The following ZC3H13 variants were observed in gnomAD, a reference collection of about 807,000 sequenced individuals.
ZC3H13 encodes the protein zinc finger CCCH-type containing 13.
Under a neutral mutation model 204.1 loss-of-function variants are expected in ZC3H13, and 64 were observed. That is an observed-to-expected ratio of 0.31 (90% CI 0.26 to 0.39). ZC3H13 has a LOEUF of 0.39. Among genes scored for constraint, ZC3H13 ranks in the 10% least tolerant of loss-of-function variants. ZC3H13 has a pLI of 1.00. For synonymous variants in ZC3H13, 667 were observed against 693.7 expected, an observed-to-expected ratio of 0.96 and a Z score of 0.60; for missense variants, 1,833 against 2,082.7, an observed-to-expected ratio of 0.88 and a Z score of 2.33.
chr13:46,008,602 A>C (rs1236365286), intron 7 of ZC3H13, among the ~76,000 whole-genome samples: 1 of 152,192 alleles, frequency 6.6e-6, no homozygotes, highest in African/African-American at 2.4e-5. Flanking sequence ...ACTTTCTATG[A>C]AAAGATTAAG....
At chr13:46,043,436 T>C (rs2043725411) in intron 3 of ZC3H13, among the ~76,000 whole-genome samples, 1 of 151,990 alleles carries the variant, frequency 6.6e-6, no homozygotes, top group Non-Finnish European at 1.5e-5. Context: ...TAAATTATAA[T>C]GATGTACATG....
chr13:46,044,849 T>C (rs1249895553), intron 3 of ZC3H13, 106 bp downstream of exon 3: 2 of 660,532 alleles, frequency 3.0e-6, no homozygotes, highest in Admixed American at 7.3e-5. Context: ...ACCACCAATA[T>C]AGAAAATCTG....
intron 17 of ZC3H13, 62 bp downstream of exon 17, chr13:45,963,780 C>G (rs941656346): frequency 6.2e-6 from 10 of 1,603,562 alleles, no homozygotes; most frequent in Admixed American, 1.7e-5. Flanking sequence ...GATCAGAATC[C>G]CCTTCAGATG....
In ZC3H13 at chr13:45,967,947, A is replaced by G. The variant is rs1218994238; in HGVS notation, c.3878T>C (p.Phe1293Ser). 6.2e-7 allele frequency: 1 copy of G among 1,613,816 alleles called. No homozygotes were observed. The highest frequency in any genetic ancestry group is 8.5e-7 in the Non-Finnish European group (1 of 1,179,900). Reference protein sequence around the residue: ...DRQVHSRSGSFDSRDRLQERD... With the variant: ...DRQVHSRSGSSDSRDRLQERD... ...TTCTTGAAGCCTGTCTCTGCTATCA[A>G]ATGACCCAGATCTTGAATGGACCTG... Residue 1293 changes from phenylalanine to serine, a missense_variant, in exon 15 of 19, where the codon TTT becomes TCT. Physicochemically the swap from Phe to Ser is radical, Grantham distance 155 (BLOSUM62 -2). Coordinates refer to ENST00000679008, the MANE Select transcript of ZC3H13 (RefSeq NM_001330564.2).
At chr13:46,045,622 C>A in intron 1 of ZC3H13, 106 bp from the exon 2 acceptor site, 10 of 740,224 alleles carry the variant, frequency 1.4e-5, no homozygotes, top group South Asian at 5.2e-5. Flanking sequence ...TGTAAAATTA[C>A]AGGAGATTTT....
chr13:45,977,868 A>C (rs1433680596), intron 11 of ZC3H13, among the ~76,000 whole-genome samples: 1 of 152,064 alleles, frequency 6.6e-6, no homozygotes, highest in Non-Finnish European at 1.5e-5. Context: ...ATTAAAATCA[A>C]ATTTTTTAGC....
At chr13:45,970,562 T>C (rs1952502471) in intron 12 of ZC3H13, 97 bp from the exon 13 acceptor site, 2 of 949,844 alleles carry the variant, frequency 2.1e-6, no homozygotes, top group Non-Finnish European at 3.2e-6. Flanking sequence ...AACTGGAACA[T>C]ATAATTGTAG....
At chr13:46,042,387 A>C in intron 3 of ZC3H13, 112 bp from the exon 4 acceptor site, 1 of 646,882 alleles carries the variant, frequency 1.5e-6, no homozygotes, top group Non-Finnish European at 2.4e-6. Context: ...AACCTCACAA[A>C]TCTCAATACA....
intron 14 of ZC3H13, 123 bp from the exon 15 acceptor site, chr13:45,968,151 G>T: frequency 1.1e-6 from 1 of 930,666 alleles, no homozygotes; most frequent in Non-Finnish European, 1.5e-6. Flanking sequence ...AACTTTCTAT[G>T]TTCCATATTG....
Position 45,988,993 on chromosome 13 carries a change from CGAG to C in ZC3H13, c.1046_1048del (p.Pro349del), listed in dbSNP as rs1566220011. Reference sequence around the variant, plus strand: ...AGATGGTGAAGGAGTTCTTTTTCGACGAGGAGAAGGAGAATGTCTTTGAATAGA... The same window carrying C: ...AGATGGTGAAGGAGTTCTTTTTCGACGAGAAGGAGAATGTCTTTGAATAGA... On this transcript the variant is annotated inframe_deletion, in exon 9 of 19. Coordinates refer to ENST00000679008, the MANE Select transcript of ZC3H13 (RefSeq NM_001330564.2). 1.9e-6 allele frequency: 3 copies of C among 1,613,658 alleles called. No individual in the cohort carries two copies. Among genetic ancestry groups the C allele is most frequent in the African/African-American group, 1.3e-5 (1 of 74,776 alleles).
At chr13:46,008,608 T>A (rs9526129) in intron 7 of ZC3H13, among the ~76,000 whole-genome samples, 16,313 of 152,138 alleles carry the variant, frequency 0.11, 1,119 homozygotes, top group East Asian at 0.29. Flanking sequence ...TATGAAAAGA[T>A]TAAGTTTCAA....
chr13:45,986,359 G>T (rs924134704), intron 9 of ZC3H13, among the ~76,000 whole-genome samples: 2 of 152,230 alleles, frequency 1.3e-5, no homozygotes, highest in Non-Finnish European at 2.9e-5. Flanking sequence ...TTGGGAGGCT[G>T]AGGTAGGAAG....
At chr13:45,972,262 C>T (rs1323842584) in intron 12 of ZC3H13, among the ~76,000 whole-genome samples, 1 of 151,746 alleles carries the variant, frequency 6.6e-6, no homozygotes, top group Non-Finnish European at 1.5e-5. Flanking sequence ...TGCCCATTGG[C>T]CAATGGGTGG....
At chr13:46,003,524 T>C (rs989360890) in intron 7 of ZC3H13, among the ~76,000 whole-genome samples, 188 bp from the exon 8 acceptor site, 3 of 152,182 alleles carry the variant, frequency 2.0e-5, no homozygotes, top group Non-Finnish European at 2.9e-5. Context: ...TTGATACTTA[T>C]TTTGTTAACA....
At chr13:45,964,715 A>T (rs1445604252) in intron 16 of ZC3H13, among the ~76,000 whole-genome samples, 2 of 152,220 alleles carry the variant, frequency 1.3e-5, no homozygotes, top group African/African-American at 4.8e-5. Context: ...AGTTGTTAGT[A>T]ACAATCAGAC....
Position 45,985,341 on chromosome 13 carries a change from C to T in ZC3H13, c.1676G>A (p.Arg559Gln), listed in dbSNP as rs779262302. The change falls in exon 10 of 19, where the codon CGA becomes CAA. Residue 559 changes from arginine (R) to glutamine (Q), a missense_variant. This residue lies in a region of ZC3H13 where 1,574 missense variants were observed against 1,757.2 expected (regional missense o/e 0.90). Coordinates refer to ENST00000679008, the MANE Select transcript of ZC3H13 (RefSeq NM_001330564.2). ...AACCCTCCCCCTACTTCGGCCCATT[C>T]GGTCATTTCTAATTTCACTTCGAGA... ...NESRSEIRND[R>Q]MGRSRGRVPE... 9.9e-6 allele frequency: 16 copies of T among 1,613,972 alleles called. No individual in the cohort carries two copies. The highest frequency in any genetic ancestry group is 5.0e-5 in the Admixed American group (3 of 60,002).
rs781227640 is a variant in ZC3H13 at position 46,011,524 on chromosome 13, T to C, written c.479A>G (p.Tyr160Cys). 11 of 1,589,866 alleles carry C rather than the reference T, an allele frequency of 6.9e-6. No homozygotes were observed. In the East Asian group the frequency reaches 1.8e-4, roughly 26 times the overall value. ...CATTTCCAATGACAATTCATGAACA[T>C]AATCATAATTAATATCTCCATTGTC... ...DSDNGDINYD[Y>C]VHELSLEMKR... Residue 160 changes from tyrosine to cysteine, a missense_variant, in exon 6 of 19, where the codon TAT becomes TGT. By Grantham distance (194) the Tyr-to-Cys change is radical. Around this residue, in one of 5 missense-constraint regions of ZC3H13, gnomAD observed 1,574 missense variants for 1,757.2 expected, o/e 0.90. Transcript: ENST00000679008.
rs375911121 is a variant in ZC3H13 at position 46,010,419 on chromosome 13, C to A, written c.675G>T (p.Pro225=). 1.9e-6 allele frequency: 3 copies of A among 1,613,808 alleles called. No homozygotes were observed. The highest frequency in any genetic ancestry group is 1.3e-5 in the African/African-American group (1 of 75,006). The part of the protein sequence containing the change: ...SSKSPKRKSS[P]KSSSASKKDR... The stretch of plus-strand genomic sequence containing the variant: ...CTTTCTTGCTAGCTGAAGACGACTT[C>A]GGGCTTGATTTTCGCTTCGGAGATT... The change falls in exon 7 of 19, where the codon CCG becomes CCT. Residue 225 remains proline, a synonymous_variant. Coordinates refer to ENST00000679008, the MANE Select transcript of ZC3H13 (RefSeq NM_001330564.2).
intron 4 of ZC3H13, 40 bp from the exon 5 acceptor site, chr13:46,020,597 T>A (rs1314618916): frequency 7.5e-7 from 1 of 1,335,646 alleles, no homozygotes; most frequent in African/African-American, 1.5e-5. Flanking sequence ...ACTATATTTT[T>A]AAAAATTATG....
Sources: gnomAD v4.1 joint callset for allele counts (sites outside exome capture counted in the v4.1 genomes callset) on GRCh38, gnomAD v4.1.1 for gene constraint, gnomAD v4.1.1 regional missense constraint, MANE v1.5 for transcripts, NCBI Gene and HGNC (gene_info 2026-07-23, HGNC 2026-07-21) for gene names.